Variants in CSMD1 observed in about 807,000 individuals in gnomAD.
CSMD1 encodes CUB and sushi domain-containing protein 1.
A neutral mutation model predicts 417.5 loss-of-function variants in CSMD1; 213 were observed. The ratio of observed to expected loss-of-function variants is 0.51; its 90% confidence interval spans 0.46 to 0.57. The LOEUF (loss-of-function observed/expected upper bound fraction) is 0.57. Among genes scored for constraint, CSMD1 ranks in the 20% least tolerant of loss-of-function variants. The pLI, the probability that CSMD1 is intolerant of heterozygous loss-of-function variation, is 0.00. For missense variants in CSMD1, 6,923 were observed against 4,529.7 expected, an observed-to-expected ratio of 1.53 and a Z score of -15.17; for synonymous variants, 2,862 against 1,736.8, an observed-to-expected ratio of 1.65 and a Z score of -16.11.
At chr8:4,048,458 G>A (rs74905289) in intron 3 of CSMD1, among the ~76,000 whole-genome samples, 5,221 of 152,180 alleles carry the variant, frequency 0.034, 120 homozygotes, top group Non-Finnish European at 0.05. Flanking sequence ...ACAAGATTCT[G>A]CAGTAGCTAC....
In CSMD1 at chr8:3,187,936, C is replaced by T; in HGVS notation, c.5553G>A (p.Gln1851=). 5 of 1,613,338 alleles carry T rather than the reference C, an allele frequency of 3.1e-6. No individual in the cohort carries two copies. Among genetic ancestry groups the T allele is most frequent in the Non-Finnish European group, 3.4e-6 (4 of 1,179,746 alleles). Residue 1851 remains glutamine (Q), a synonymous_variant, in exon 36 of 70, where the codon CAG becomes CAA. Transcript: ENST00000635120. Reference sequence around the variant, plus strand: ...CGTGGATCTCAAGGGAGTCCCAGTTCTGCTCCGTGGCAAAACTGATCACTT... The same window carrying T: ...CGTGGATCTCAAGGGAGTCCCAGTTTTGCTCCGTGGCAAAACTGATCACTT... The part of the protein sequence containing the change: ...QIQVISFATE[Q]NWDSLEIHDG...
intron 2 of CSMD1, among the ~76,000 whole-genome samples, chr8:4,613,235 T>C (rs1378470517): frequency 1.3e-5 from 2 of 152,138 alleles, no homozygotes; most frequent in Non-Finnish European, 2.9e-5. Flanking sequence ...TGTGTACAAA[T>C]TGTTGTTTGT....
At chr8:3,753,247 A>G (rs1797454153) in intron 6 of CSMD1, among the ~76,000 whole-genome samples, 1 of 152,222 alleles carries the variant, frequency 6.6e-6, no homozygotes, top group African/African-American at 2.4e-5. Flanking sequence ...TTGGAAATCG[A>G]AGTGGAATGG....
At position 3,266,358 on chromosome 8, in the gene CSMD1, C is replaced by G. The variant is rs1055407599; in HGVS notation, c.4153+17786G>C. 2.0e-5 allele frequency among the ~76,000 whole-genome samples: 3 copies of G among 151,772 alleles called. No homozygotes were observed. The East Asian group carries it at 5.9e-4, about 30-fold the overall frequency. Reference sequence around the variant, plus strand: ...CAGTGGCTCACACCTGTAATCCCAGCACTGTGGGAGGCTGAGGCGGGTGGA... The same window carrying G: ...CAGTGGCTCACACCTGTAATCCCAGGACTGTGGGAGGCTGAGGCGGGTGGA... On this transcript the variant is annotated intron_variant, in intron 26 of 69. Transcript: ENST00000635120.
chr8:4,944,370 G>A (rs1808224897), intron 1 of CSMD1, among the ~76,000 whole-genome samples: 1 of 152,166 alleles, frequency 6.6e-6, no homozygotes, highest in South Asian at 2.1e-4. Context: ...ATAAGGGCCA[G>A]CAAAAATGCT....
chr8:3,348,265 T>C (rs1808147028), intron 21 of CSMD1, 104 bp from the exon 22 acceptor site: 1 of 786,720 alleles, frequency 1.3e-6, no homozygotes. Context: ...TCTATCAACG[T>C]ATGTGTGTTA....
chr8:4,544,864 T>A (rs1388033713), intron 2 of CSMD1, among the ~76,000 whole-genome samples: 2 of 152,246 alleles, frequency 1.3e-5, no homozygotes, highest in Admixed American at 1.3e-4. Flanking sequence ...TGGAATTGAA[T>A]AAGCAGCAAG....
chr8:4,917,325 G>T (rs1806130965), intron 1 of CSMD1, among the ~76,000 whole-genome samples: 1 of 152,160 alleles, frequency 6.6e-6, no homozygotes, highest in African/African-American at 2.4e-5. Flanking sequence ...CTTCAACACT[G>T]GGCATTACAA....
At chr8:3,527,252 G>C (rs897845715) in intron 10 of CSMD1, among the ~76,000 whole-genome samples, 3 of 152,158 alleles carry the variant, frequency 2.0e-5, no homozygotes, top group African/African-American at 7.2e-5. Flanking sequence ...AATTGGTACA[G>C]GGCGCTGATA....
intron 17 of CSMD1, among the ~76,000 whole-genome samples, chr8:3,390,432 A>G (rs1313951948): frequency 6.6e-6 from 1 of 151,804 alleles, no homozygotes; most frequent in Non-Finnish European, 1.5e-5. Flanking sequence ...TTTATGATAA[A>G]CTAAGACCAG....
At chr8:4,838,677 T>C (rs560575944) in intron 1 of CSMD1, among the ~76,000 whole-genome samples, 28 of 152,348 alleles carry the variant, frequency 1.8e-4, no homozygotes, top group Middle Eastern at 3.4e-3. Flanking sequence ...GAGAAGCATT[T>C]ATAAGAGACC....
chr8:3,714,301 T>C (rs546479494), intron 6 of CSMD1, among the ~76,000 whole-genome samples: 152 of 151,136 alleles, frequency 1.0e-3, no homozygotes, highest in Non-Finnish European at 1.4e-3. Context: ...TTCTGTTAAA[T>C]TTGAGAAGTA....
chr8:3,252,303 G>A (rs1015035251), intron 26 of CSMD1, among the ~76,000 whole-genome samples: 3 of 152,184 alleles, frequency 2.0e-5, no homozygotes, highest in Middle Eastern at 3.2e-3. Flanking sequence ...GGCCATTTCT[G>A]CATCTATTGG....
At chr8:3,697,099 A>G (rs190870425) in intron 7 of CSMD1, among the ~76,000 whole-genome samples, 232 of 152,286 alleles carry the variant, frequency 1.5e-3, no homozygotes, top group Non-Finnish European at 2.5e-3. Context: ...CAGGCCCAAT[A>G]TTGCTAGGTC....
chr8:3,230,058 C>T lies in CSMD1; in HGVS notation c.4327G>A (p.Asp1443Asn). 1 of 1,606,764 alleles carries T rather than the reference C, an allele frequency of 6.2e-7. No individual in the cohort carries two copies. The highest frequency in any genetic ancestry group is 2.2e-5 in the East Asian group (1 of 44,700). The stretch of plus-strand genomic sequence containing the variant: ...CTGATACCTATGCATGTAGGAGGGT[C>T]TGGTTGCCAAAAGAACCGGTTATTC... Reference protein sequence around the residue: ...QLNNRFFWQPDPPTCIAACGG... With the variant: ...QLNNRFFWQPNPPTCIAACGG... The change falls in exon 27 of 70, where the codon GAC (aspartate) becomes AAC (asparagine). Residue 1443 changes from aspartate to asparagine, a missense_variant. Coordinates refer to ENST00000635120, the MANE Select transcript of CSMD1 (RefSeq NM_033225.6).
intron 3 of CSMD1, among the ~76,000 whole-genome samples, chr8:4,367,299 C>A (rs1482451850): frequency 6.6e-6 from 1 of 152,112 alleles, no homozygotes; most frequent in Non-Finnish European, 1.5e-5. Context: ...TTCCCAGCTC[C>A]ATTTTTTAAA....
At chr8:3,433,321 C>T (rs777830552) in intron 12 of CSMD1, among the ~76,000 whole-genome samples, 1 of 152,218 alleles carries the variant, frequency 6.6e-6, no homozygotes. Context: ...TTGACAGGGA[C>T]TTCCACTGCC....
chr8:3,113,411 G>A (rs940833380), intron 42 of CSMD1: 17 of 152,262 alleles, frequency 1.1e-4, no homozygotes, highest in African/African-American at 2.9e-4. Flanking sequence ...AGACAGTGAA[G>A]GAGGGAATTG....
chr8:3,283,528 C>G (rs950849521), intron 26 of CSMD1, among the ~76,000 whole-genome samples: 1 of 144,622 alleles, frequency 6.9e-6, no homozygotes, highest in Non-Finnish European at 1.5e-5. Context: ...TCCTTTGATA[C>G]TGACAGTGTT....
Sources: allele counts gnomAD v4.1 joint callset (sites outside exome capture counted in the v4.1 genomes callset), GRCh38; gene constraint gnomAD v4.1.1; transcripts MANE v1.5; gene names NCBI Gene and HGNC (gene_info 2026-07-23, HGNC 2026-07-21).